GALNT13: variants seen among roughly 807,000 people sequenced by gnomAD.
GALNT13 encodes polypeptide N-acetylgalactosaminyltransferase 13.
GALNT13 carries 28 observed loss-of-function variants against 64.2 expected under a neutral mutation model. The ratio of observed to expected loss-of-function variants is 0.44; its 90% CI spans 0.32 to 0.60. GALNT13 has a LOEUF of 0.60. Among genes scored for constraint, GALNT13 ranks in the 20% least tolerant of loss-of-function variants. The pLI is 0.05. For synonymous variants in GALNT13, 214 were observed against 224.6 expected (o/e 0.95, Z 0.42); for missense variants, 577 against 669.8 (o/e 0.86, Z 1.53).
chr2:154,164,218 A>G (rs1375936707), intron 4 of GALNT13, among the ~76,000 whole-genome samples: 2 of 152,128 alleles, frequency 1.3e-5, no homozygotes, highest in African/African-American at 4.8e-5. Context: ...AAAGGGGTGA[A>G]TCTAGGAATT....
the GALNT13 span, among the ~76,000 whole-genome samples, chr2:153,527,578 C>A: frequency 1.3e-5 from 2 of 152,050 alleles, no homozygotes; most frequent in South Asian, 2.1e-4. Flanking sequence ...TAAGTAATCA[C>A]CTGAATGTAC....
At chr2:153,311,195 T>C in the GALNT13 span, among the ~76,000 whole-genome samples, 1 of 152,180 alleles carries the variant, frequency 6.6e-6, no homozygotes, top group South Asian at 2.1e-4. Flanking sequence ...GAAGTTCATA[T>C]ACAGTGCAAG....
At chr2:153,673,499 A>C in the GALNT13 span, among the ~76,000 whole-genome samples, 1 of 152,238 alleles carries the variant, frequency 6.6e-6, no homozygotes, top group African/African-American at 2.4e-5. Context: ...CCTTTGTCAA[A>C]ATACAACAGC....
At chr2:154,134,843 T>C (rs1398041794) in intron 3 of GALNT13, among the ~76,000 whole-genome samples, 2 of 151,994 alleles carry the variant, frequency 1.3e-5, no homozygotes, top group Non-Finnish European at 2.9e-5. Flanking sequence ...AATACAAAAA[T>C]TAGCTGGTGA....
At chr2:153,216,349 A>G in the GALNT13 span, among the ~76,000 whole-genome samples, 1 of 152,134 alleles carries the variant, frequency 6.6e-6, no homozygotes, top group African/African-American at 2.4e-5. Flanking sequence ...CTGGGTCATA[A>G]GTAGTATATG....
At chr2:153,073,327 T>G in the GALNT13 span, among the ~76,000 whole-genome samples, 2 of 151,978 alleles carry the variant, frequency 1.3e-5, no homozygotes, top group Non-Finnish European at 2.9e-5. Context: ...TTTCTAGTAC[T>G]ATAAATTAAT....
At chr2:154,057,843 G>C (rs1699973984) in intron 3 of GALNT13, among the ~76,000 whole-genome samples, 1 of 152,156 alleles carries the variant, frequency 6.6e-6, no homozygotes, top group Non-Finnish European at 1.5e-5. Flanking sequence ...CACACTAAAT[G>C]TTTATTAGGG....
the GALNT13 span, among the ~76,000 whole-genome samples, chr2:153,630,847 A>C: frequency 9.4e-6 from 1 of 106,232 alleles, no homozygotes; most frequent in Non-Finnish European, 1.8e-5. Flanking sequence ...GTTCTAGGGT[A>C]CATGTGCACA....
At chr2:153,515,201 C>A in the GALNT13 span, among the ~76,000 whole-genome samples, 1,847 of 152,230 alleles carry the variant, frequency 0.012, 21 homozygotes, top group Non-Finnish European at 0.017. Context: ...CTTTAAGATA[C>A]ATCCTAAAGT....
At chr2:153,096,697 G>A in the GALNT13 span, among the ~76,000 whole-genome samples, 1 of 151,820 alleles carries the variant, frequency 6.6e-6, no homozygotes, top group African/African-American at 2.4e-5. Flanking sequence ...TTCTTTTTTG[G>A]CTTTCACTGG....
intron 4 of GALNT13, among the ~76,000 whole-genome samples, chr2:154,222,492 A>G (rs1688373938): frequency 6.6e-6 from 1 of 152,172 alleles, no homozygotes; most frequent in African/African-American, 2.4e-5. Context: ...ATTATTGTTG[A>G]TAAAACACAG....
chr2:154,084,798 T>C (rs769256075), intron 3 of GALNT13, among the ~76,000 whole-genome samples: 6 of 151,928 alleles, frequency 3.9e-5, no homozygotes, highest in Non-Finnish European at 5.9e-5. Context: ...CTTAGTGACA[T>C]TGTATTTGAA....
the GALNT13 span, among the ~76,000 whole-genome samples, chr2:153,604,388 CTCTGTA>C: frequency 6.6e-6 from 1 of 152,004 alleles, no homozygotes; most frequent in African/African-American, 2.4e-5. Context: ...GTCTCTCTGT[CTCTGTA>C]GCTCTTTCTG....
chr2:153,153,853 T>A, the GALNT13 span, among the ~76,000 whole-genome samples: 2 of 152,088 alleles, frequency 1.3e-5, no homozygotes, highest in African/African-American at 4.8e-5. Flanking sequence ...GCTTTGTTCT[T>A]TTGCTTAGGA....
chr2:153,451,979 G>C, the GALNT13 span, among the ~76,000 whole-genome samples: 4 of 152,154 alleles, frequency 2.6e-5, no homozygotes, highest in East Asian at 1.9e-4. Flanking sequence ...CTTTCATATA[G>C]GTTATAATCA....
chr2:153,627,273 C>G, the GALNT13 span, among the ~76,000 whole-genome samples: 1 of 152,006 alleles, frequency 6.6e-6, no homozygotes, highest in South Asian at 2.1e-4. Context: ...ATGTATCTTT[C>G]TATAAGTGAA....
At chr2:154,224,226 A>G (rs925130628) in intron 4 of GALNT13, among the ~76,000 whole-genome samples, 7 of 152,132 alleles carry the variant, frequency 4.6e-5, no homozygotes, top group African/African-American at 1.7e-4. Context: ...ATAAATCTTC[A>G]CATTTTAATA....
intron 12 of GALNT13, among the ~76,000 whole-genome samples, chr2:154,440,714 TTAAC>T (rs1398345212): frequency 5.9e-5 from 9 of 152,112 alleles, no homozygotes; most frequent in Non-Finnish European, 7.4e-5. Flanking sequence ...GTTTTCAAAA[TTAAC>T]TAGTGATGTT....
At chr2:154,230,135 G>A (rs559504986) in intron 4 of GALNT13, among the ~76,000 whole-genome samples, 1 of 152,066 alleles carries the variant, frequency 6.6e-6, no homozygotes, top group Admixed American at 6.6e-5. Context: ...TAAAAAACAT[G>A]AGCCCCTGAG....
Sources: gnomAD v4.1 joint callset for allele counts (sites outside exome capture counted in the v4.1 genomes callset) on GRCh38, gnomAD v4.1.1 for gene constraint, MANE v1.5 for transcripts, NCBI Gene and HGNC (gene_info 2026-07-23, HGNC 2026-07-21) for gene names.